The following FHIP1A variants were observed in gnomAD, a reference collection of about 807,000 sequenced individuals.
The protein encoded by FHIP1A is FHF complex subunit HOOK-interacting protein 1A.
A neutral mutation model predicts 88.6 loss-of-function variants in FHIP1A; 61 were observed. The observed-to-expected ratio is 0.69, with a 90% CI of 0.56 to 0.85. The LOEUF is 0.85. Among genes scored for constraint, FHIP1A ranks in the 40% least tolerant of loss-of-function variants. The pLI, the probability that FHIP1A is intolerant of heterozygous loss-of-function variation, is 0.00. For missense variants in FHIP1A, 1,154 were observed against 1,273.5 expected, an observed-to-expected ratio of 0.91 and a Z score of 1.43; for synonymous variants, 478 against 496.0, an observed-to-expected ratio of 0.96 and a Z score of 0.48.
intron 11 of FHIP1A, among the ~76,000 whole-genome samples, chr4:151,654,100 TAAGAATA>T (rs1324046003): frequency 6.7e-6 from 1 of 150,372 alleles, no homozygotes; most frequent in Non-Finnish European, 1.5e-5. Flanking sequence ...TGCTAGAAAC[TAAGAATA>T]AAGTAGGAAT....
rs182277860 is a variant in FHIP1A at position 151,504,566 on chromosome 4, T to A, written c.-123+21918T>A. Among the ~76,000 whole-genome samples, 18 of 110,442 alleles carry A rather than the reference T, an allele frequency of 1.6e-4. No individual in the cohort carries two copies. The East Asian group carries it at 4.2e-3, about 26-fold the overall frequency. The allele number at this position is 110,442 out of a possible 152,430, so 72.5% of individuals were successfully genotyped here. ...CTCATCTAGCTGGGAAAAAATTTTATGTTATGTTATGTTATGTTATGTTAT... is the reference window on the plus strand; with the variant it reads ...CTCATCTAGCTGGGAAAAAATTTTAAGTTATGTTATGTTATGTTATGTTAT... On this transcript the variant is annotated intron_variant, in intron 3 of 13. Transcript: ENST00000435205.
At chr4:151,525,915 T>C (rs1050110741) in intron 3 of FHIP1A, among the ~76,000 whole-genome samples, 1 of 151,970 alleles carries the variant, frequency 6.6e-6, no homozygotes. Flanking sequence ...CCTTCCGCAG[T>C]GTTTGTGTCC....
chr4:151,547,839 G>C (rs1276980457), intron 3 of FHIP1A, among the ~76,000 whole-genome samples: 1 of 151,978 alleles, frequency 6.6e-6, no homozygotes, highest in Admixed American at 6.6e-5. Context: ...ATTTGAACCT[G>C]GGAGGTAGAG....
intron 1 of FHIP1A, among the ~76,000 whole-genome samples, chr4:151,435,652 G>A (rs1728160015): frequency 2.0e-5 from 3 of 152,120 alleles, no homozygotes; most frequent in Admixed American, 2.0e-4. Context: ...AGGTGTGGTG[G>A]CACATGCCTA....
chr4:151,479,184 T>C (rs979430718), intron 2 of FHIP1A, among the ~76,000 whole-genome samples: 2 of 152,042 alleles, frequency 1.3e-5, no homozygotes, highest in Non-Finnish European at 2.9e-5. Flanking sequence ...ATTGTGAGCT[T>C]AATATGGAGA....
intron 1 of FHIP1A, among the ~76,000 whole-genome samples, chr4:151,443,440 C>A (rs755984121): frequency 4.1e-4 from 62 of 152,188 alleles, no homozygotes; most frequent in Admixed American, 7.2e-4. Flanking sequence ...ACCACGCATG[C>A]CTGGCCACTC....
intron 11 of FHIP1A, among the ~76,000 whole-genome samples, chr4:151,652,837 G>A (rs980735483): frequency 6.6e-6 from 1 of 152,230 alleles, no homozygotes; most frequent in Non-Finnish European, 1.5e-5. Flanking sequence ...TGGGAGAGAA[G>A]GGCAGAAAGC....
At chr4:151,577,138 T>G (rs995088656) in intron 4 of FHIP1A, among the ~76,000 whole-genome samples, 4 of 152,222 alleles carry the variant, frequency 2.6e-5, no homozygotes, top group African/African-American at 4.8e-5. Flanking sequence ...TTTTCCTCAG[T>G]TATGTTCATA....
intron 3 of FHIP1A, among the ~76,000 whole-genome samples, chr4:151,517,938 G>A (rs1246881600): frequency 1.3e-5 from 2 of 152,044 alleles, no homozygotes; most frequent in Admixed American, 1.3e-4. Flanking sequence ...AAATTAAAAA[G>A]TTTATACAGT....
At chr4:151,629,209 T>C (rs959433011) in intron 7 of FHIP1A, among the ~76,000 whole-genome samples, 6 of 152,202 alleles carry the variant, frequency 3.9e-5, no homozygotes, top group Non-Finnish European at 8.8e-5. Context: ...CTTTGCAATT[T>C]ATATTATCAT....
chr4:151,571,980 G>A (rs1442594662), intron 4 of FHIP1A, among the ~76,000 whole-genome samples: 1 of 152,300 alleles, frequency 6.6e-6, no homozygotes, highest in East Asian at 1.9e-4. Context: ...AGCCGAGGTG[G>A]GCGGATCACC....
intron 3 of FHIP1A, among the ~76,000 whole-genome samples, chr4:151,492,922 A>C (rs1428216906): frequency 6.6e-6 from 1 of 152,196 alleles, no homozygotes; most frequent in Non-Finnish European, 1.5e-5. Context: ...CACTTCAAGG[A>C]CCTGGAGAAA....
intron 1 of FHIP1A, among the ~76,000 whole-genome samples, chr4:151,429,939 A>G (rs1045550508): frequency 6.6e-6 from 1 of 152,160 alleles, no homozygotes; most frequent in African/African-American, 2.4e-5. Context: ...TTCCACTTTC[A>G]AATAACCAAA....
chr4:151,462,709 A>C (rs1313250053), intron 2 of FHIP1A, among the ~76,000 whole-genome samples: 2 of 152,200 alleles, frequency 1.3e-5, no homozygotes. Context: ...TGGAGTGAGC[A>C]TAAGATGGGA....
In FHIP1A at chr4:151,650,434, A is replaced by G; in HGVS notation, c.2393A>G (p.Lys798Arg). ...GAAGAGAGTAAAGGAGAAAAGGAGA[A>G]GGAGGGGAAGAAGGAGCTAGAAGAT... ...GKEESKGEKE[K>R]EGKKELEDEE... Residue 798 changes from lysine (K) to arginine (R), a missense_variant, in exon 11 of 14, where the codon AAG (lysine) becomes AGG (arginine). By Grantham distance (26) the Lys-to-Arg change is conservative. Coordinates refer to ENST00000435205, the MANE Select transcript of FHIP1A (RefSeq NM_001109977.3). 1 of 1,551,620 alleles carries G rather than the reference A, an allele frequency of 6.4e-7. No individual in the cohort carries two copies. The highest frequency in any genetic ancestry group is 8.7e-7 in the Non-Finnish European group (1 of 1,146,882).
At chr4:151,452,661 C>T (rs1288277243) in intron 1 of FHIP1A, among the ~76,000 whole-genome samples, 1 of 151,806 alleles carries the variant, frequency 6.6e-6, no homozygotes, top group Admixed American at 6.6e-5. Flanking sequence ...CCTGTAGTCC[C>T]AGCTACTTGG....
intron 2 of FHIP1A, among the ~76,000 whole-genome samples, chr4:151,459,245 A>G (rs1181452377): frequency 2.0e-5 from 3 of 147,016 alleles, no homozygotes; most frequent in Non-Finnish European, 4.4e-5. Flanking sequence ...TTGTTCCTGA[A>G]AAAAAGTGAA....
rs1386413136 is a variant in FHIP1A, at chr4:151,649,989, GAGA to G, written c.1951_1953del (p.Lys651del). 1.3e-6 allele frequency: 2 copies of G among 1,551,668 alleles called. No individual in the cohort carries two copies. Among genetic ancestry groups the G allele is most frequent in the African/African-American group, 2.7e-5 (2 of 73,162 alleles). On this transcript the variant is annotated inframe_deletion, in exon 11 of 14. Transcript: ENST00000435205. ...TGTGATGGTGTACAGGCTGTGTGCT[GAGA>G]AGGACTCCGAGGACATGAAGGATTC...
chr4:151,458,836 C>G (rs1429460454), intron 2 of FHIP1A, among the ~76,000 whole-genome samples: 2 of 147,016 alleles, frequency 1.4e-5, no homozygotes, highest in African/African-American at 4.9e-5. Context: ...AGTCGCTTTT[C>G]TTGGGCATAG....
Sources: allele counts gnomAD v4.1 joint callset (sites outside exome capture counted in the v4.1 genomes callset), GRCh38; gene constraint gnomAD v4.1.1; transcripts MANE v1.5; gene names NCBI Gene and HGNC (gene_info 2026-07-23, HGNC 2026-07-21).